The following PCNX1 variants were observed in gnomAD, a reference collection of about 807,000 sequenced individuals.
PCNX1 encodes the protein pecanex-like protein 1.
Under a neutral mutation model 242.2 loss-of-function variants are expected in PCNX1, and 78 were observed. That is an observed-to-expected ratio of 0.32 (90% confidence interval 0.27 to 0.39). The LOEUF is 0.39. Ranked by LOEUF, PCNX1 falls within the 10% of genes least tolerant of loss-of-function variation. The probability of loss-of-function intolerance (pLI) is 1.00; values close to 1 mark genes in which losing one functional copy is unlikely to be tolerated. For missense variants in PCNX1, 2,581 were observed against 2,856.5 expected, an observed-to-expected ratio of 0.90 and a Z score of 2.20; for synonymous variants, 1,024 against 1,032.9, an observed-to-expected ratio of 0.99 and a Z score of 0.17.
At chr14:70,976,878 G>A in intron 5 of PCNX1, 64 bp from the exon 6 acceptor site, 3 of 1,391,760 alleles carry the variant, frequency 2.2e-6, no homozygotes, top group South Asian at 1.3e-5. Flanking sequence ...TCTTTCCATT[G>A]TTAAACAGTA....
At chr14:71,005,959 C>A (rs2059646981) in intron 8 of PCNX1, among the ~76,000 whole-genome samples, 1 of 144,552 alleles carries the variant, frequency 6.9e-6, no homozygotes, top group Non-Finnish European at 1.5e-5. Context: ...GTCTCACTCT[C>A]TTGCCCAGGC....
At chr14:70,958,486 T>C (rs1177180153) in intron 2 of PCNX1, among the ~76,000 whole-genome samples, 1 of 152,212 alleles carries the variant, frequency 6.6e-6, no homozygotes, top group Non-Finnish European at 1.5e-5. Flanking sequence ...AGTCTGCACA[T>C]GAGGGATGTC....
intron 6 of PCNX1, among the ~76,000 whole-genome samples, chr14:70,980,832 C>A (rs2058817052): frequency 6.6e-6 from 1 of 152,122 alleles, no homozygotes; most frequent in African/African-American, 2.4e-5. Context: ...TGTCAACCAT[C>A]ATGTTACTGC....
intron 26 of PCNX1, among the ~76,000 whole-genome samples, chr14:71,062,995 G>A (rs1271151520): frequency 6.6e-6 from 1 of 152,116 alleles, no homozygotes; most frequent in Non-Finnish European, 1.5e-5. Flanking sequence ...AGGAGCAATA[G>A]GCTATATTAT....
intron 21 of PCNX1, 112 bp downstream of exon 21, chr14:71,047,217 A>T: frequency 1.7e-6 from 1 of 603,022 alleles, no homozygotes; most frequent in Non-Finnish European, 2.6e-6. Context: ...AGGCACTGTG[A>T]GATTAAAAAT....
At chr14:70,996,253 T>G (rs922396330) in intron 8 of PCNX1, among the ~76,000 whole-genome samples, 1 of 152,168 alleles carries the variant, frequency 6.6e-6, no homozygotes, top group Non-Finnish European at 1.5e-5. Flanking sequence ...AAAAAAAGTT[T>G]CTTACTAAAC....
At position 70,954,242 on chromosome 14, in the gene PCNX1, CTCTGT is replaced by C. The variant is rs138159098; in HGVS notation, c.362+7141_362+7145del. On this transcript the variant is annotated intron_variant, in intron 2 of 35. Transcript: ENST00000304743. ...ATTTCTGGTGGCTTGTTTCTGGGCTCTCTGTTCTGTTCTGTTCTGTTCTGTTGATC... is the reference window on the plus strand; with the variant it reads ...ATTTCTGGTGGCTTGTTTCTGGGCTCTCTGTTCTGTTCTGTTCTGTTGATC... Among the ~76,000 whole-genome samples, 115 of 152,190 alleles carry C rather than the reference CTCTGT, an allele frequency of 7.6e-4. 2 individuals carry two copies. Among genetic ancestry groups the C allele is most frequent in the Non-Finnish European group, 3.2e-4 (22 of 68,000 alleles).
Position 70,976,943 on chromosome 14 carries a change from T to G in PCNX1, c.606T>G (p.Asp202Glu), listed in dbSNP as rs539953790. 2.5e-6 allele frequency: 4 copies of G among 1,610,078 alleles called. No homozygotes were observed. Among genetic ancestry groups the G allele is most frequent in the Non-Finnish European group, 3.4e-6 (4 of 1,177,328 alleles). ...TTTCAAAATATGTGTTTGAAACAGATTTGGCAGCTGATCGGAAGCTCTTTC... is the reference window on the plus strand; with the variant it reads ...TTTCAAAATATGTGTTTGAAACAGAGTTGGCAGCTGATCGGAAGCTCTTTC... ...SLCKEGSEEQ[D>E]LAADRKLFRL... Residue 202 changes from aspartate (D) to glutamate (E), a missense_variant and splice_region_variant, in exon 6 of 36, where the codon GAT (aspartate) becomes GAG (glutamate). By Grantham distance (45) the Asp-to-Glu change is conservative (BLOSUM62 2). Around this residue, in one of 9 missense-constraint regions of PCNX1, gnomAD observed 1,204 missense variants for 1,216.7 expected, o/e 0.99. Transcript: ENST00000304743.
At position 71,066,806 on chromosome 14, in the gene PCNX1, G is replaced by T. The variant is rs553058136; in HGVS notation, c.4853-6739G>T. Among the ~76,000 whole-genome samples, 850 of 152,156 alleles carry T rather than the reference G, an allele frequency of 5.6e-3. 3 individuals carry two copies. Among genetic ancestry groups the T allele is most frequent in the Non-Finnish European group, 9.4e-3 (641 of 67,990 alleles). On this transcript the variant is annotated intron_variant, in intron 26 of 35. Coordinates refer to ENST00000304743, the MANE Select transcript of PCNX1 (RefSeq NM_014982.3). ...CCATCAATACCTAGTTTATGGAGAG[G>T]TTTTAGCATGAAGGGCTGTTGAATT... is the stretch of plus-strand genomic sequence containing the variant.
intron 7 of PCNX1, among the ~76,000 whole-genome samples, chr14:70,989,131 C>G (rs180861575): frequency 1.2e-4 from 18 of 151,786 alleles, no homozygotes; most frequent in Admixed American, 5.2e-4. Context: ...ACTTGATAAG[C>G]CAGTTTGATT....
At chr14:70,922,496 TAAATA>T (rs2056415562) in intron 1 of PCNX1, among the ~76,000 whole-genome samples, 1 of 151,876 alleles carries the variant, frequency 6.6e-6, no homozygotes, top group Non-Finnish European at 1.5e-5. Flanking sequence ...GGAAATGTTA[TAAATA>T]AAATAAAAAG....
intron 7 of PCNX1, 89 bp downstream of exon 7, chr14:70,988,788 CTTTG>C: frequency 7.0e-7 from 1 of 1,418,552 alleles, no homozygotes; most frequent in Non-Finnish European, 9.7e-7. Context: ...ATTTGAAGAG[CTTTG>C]TTTTTCTTTT....
chr14:71,068,591 C>CGTGTGTGTGT (rs373964832), intron 26 of PCNX1, among the ~76,000 whole-genome samples: 6,179 of 122,362 alleles, frequency 0.05, 242 homozygotes, highest in African/African-American at 0.064. Flanking sequence ...TATGTACGTG[C>CGTGTGTGTGT]GTGTGTGTGT....
At chr14:71,029,628 AAAAGGGATT>A (rs2060328495) in intron 16 of PCNX1, among the ~76,000 whole-genome samples, 1 of 152,246 alleles carries the variant, frequency 6.6e-6, no homozygotes. Flanking sequence ...TTATTCTGCC[AAAAGGGATT>A]AAAGACAATT....
chr14:71,031,171 C>T lies in PCNX1; in HGVS notation c.3559-2258C>T, dbSNP rs533938939. Among the ~76,000 whole-genome samples the T allele has an allele frequency of 5.3e-5, 8 of 152,270 alleles. No individual in the cohort carries two copies. In the East Asian group the frequency reaches 9.7e-4, roughly 18 times the overall value. On this transcript the variant is annotated intron_variant, in intron 16 of 35. Transcript: ENST00000304743. ...GCTACACTGCACATGTACATATCTG[C>T]GAATTAAAATGTGCAAATGTGCAAA...
intron 19 of PCNX1, among the ~76,000 whole-genome samples, chr14:71,039,569 A>G (rs2060647511): frequency 6.6e-6 from 1 of 152,162 alleles, no homozygotes; most frequent in African/African-American, 2.4e-5. Context: ...TTTCTTCCAT[A>G]TTCTGTTGTG....
intron 1 of PCNX1, among the ~76,000 whole-genome samples, chr14:70,910,229 T>TCCTCCTCCTTCTCCTC (rs1375541677): frequency 2.9e-5 from 2 of 69,488 alleles, no homozygotes; most frequent in Non-Finnish European, 6.3e-5. Context: ...CTCCTCCTCC[T>TCCTCCTCCTTCTCCTC]CTCACCAGCA....
At chr14:70,946,657 A>G (rs982095033) in intron 1 of PCNX1, among the ~76,000 whole-genome samples, 2 of 152,236 alleles carry the variant, frequency 1.3e-5, no homozygotes, top group Non-Finnish European at 2.9e-5. Context: ...CATTTTTTAT[A>G]TTGAATCTTT....
rs1595513006 is a variant in PCNX1, at chr14:71,103,810, A to C, written c.6095+141A>C. On this transcript the variant is annotated intron_variant, in intron 32 of 35. Transcript: ENST00000304743. ...GAACCCATTATTTCTGAACTTCAAG[A>C]AGTAGAATCTGAGCATTCTTATCTT... 8 of 667,736 alleles carry C rather than the reference A, an allele frequency of 1.2e-5. No individual in the cohort carries two copies. The East Asian group carries it at 2.1e-4, about 18-fold the overall frequency. The allele number at this position is 667,736 out of a possible 1,614,324, so 41.4% of individuals were successfully genotyped here.
Sources: gnomAD v4.1 joint callset for allele counts (sites outside exome capture counted in the v4.1 genomes callset) on GRCh38, gnomAD v4.1.1 for gene constraint, gnomAD v4.1.1 regional missense constraint, MANE v1.5 for transcripts, NCBI Gene and HGNC (gene_info 2026-07-23, HGNC 2026-07-21) for gene names.